The following E2F3 variants were observed in gnomAD, a reference collection of about 807,000 sequenced individuals.
E2F3 encodes transcription factor E2F3.
Under a neutral mutation model 44.4 loss-of-function variants are expected in E2F3, and 11 were observed. That is an observed-to-expected ratio of 0.25 (90% CI 0.16 to 0.41). The LOEUF is 0.41. Among genes scored for constraint, E2F3 ranks in the 10% least tolerant of loss-of-function variants. The pLI, the probability that E2F3 is intolerant of heterozygous loss-of-function variation, is 1.00. For missense variants in E2F3, 487 were observed against 583.6 expected (o/e 0.83, Z 1.70); for synonymous variants, 249 against 253.0 (o/e 0.98, Z 0.15).
At chr6:20,466,779 T>C (rs532585900) in intron 1 of E2F3, among the ~76,000 whole-genome samples, 1 of 150,436 alleles carries the variant, frequency 6.6e-6, no homozygotes, top group East Asian at 2.0e-4. Context: ...GCCTGCCGGG[T>C]TCAAGCAGTT....
At chr6:20,470,043 C>T (rs1761839374) in intron 1 of E2F3, among the ~76,000 whole-genome samples, 1 of 152,200 alleles carries the variant, frequency 6.6e-6, no homozygotes, top group African/African-American at 2.4e-5. Flanking sequence ...CCCCTCACTA[C>T]TCACAAGCAC....
intron 1 of E2F3, among the ~76,000 whole-genome samples, chr6:20,441,115 T>A (rs544101828): frequency 1.3e-5 from 2 of 152,166 alleles, no homozygotes; most frequent in Non-Finnish European, 2.9e-5. Context: ...TGTCCAGATT[T>A]TTTTCACCGT....
intron 1 of E2F3, among the ~76,000 whole-genome samples, chr6:20,405,093 C>G (rs1299573535): frequency 6.6e-6 from 1 of 152,104 alleles, no homozygotes; most frequent in Non-Finnish European, 1.5e-5. Flanking sequence ...ATCTTTCAAG[C>G]CAGGTTTATT....
chr6:20,452,952 CA>C (rs1321267164), intron 1 of E2F3, among the ~76,000 whole-genome samples: 1 of 149,576 alleles, frequency 6.7e-6, no homozygotes, highest in African/African-American at 2.5e-5. Context: ...GACTCCATCT[CA>C]AAAAAAAAGA....
In E2F3 at chr6:20,487,853, A is replaced by G. The variant is rs540719708; in HGVS notation, c.1000-260A>G. Reference sequence around the variant, plus strand: ...GATACGAAAACAGCCAGAGGCAATAATAAACAATGGGAATGGATGTGACTC... The same window carrying G: ...GATACGAAAACAGCCAGAGGCAATAGTAAACAATGGGAATGGATGTGACTC... On this transcript the variant is annotated intron_variant, in intron 5 of 6. Transcript: ENST00000346618. 2.0e-5 allele frequency among the ~76,000 whole-genome samples: 3 copies of G among 152,346 alleles called. No homozygotes were observed. In the South Asian group the frequency reaches 6.2e-4, roughly 32 times the overall value.
chr6:20,474,863 C>T (rs1040354972), intron 1 of E2F3, among the ~76,000 whole-genome samples: 1 of 152,220 alleles, frequency 6.6e-6, no homozygotes, highest in African/African-American at 2.4e-5. Flanking sequence ...AATCCAGTTC[C>T]GCCCTCCCTG....
chr6:20,449,085 G>A (rs929533607), intron 1 of E2F3, among the ~76,000 whole-genome samples: 11 of 152,078 alleles, frequency 7.2e-5, no homozygotes, highest in African/African-American at 2.4e-4. Flanking sequence ...TATTTACTAC[G>A]TACTTTCCTT....
chr6:20,456,367 C>T (rs974818611), intron 1 of E2F3, among the ~76,000 whole-genome samples: 7 of 151,292 alleles, frequency 4.6e-5, no homozygotes, highest in Admixed American at 3.9e-4. Flanking sequence ...GAGAATTATA[C>T]AATGGAAATA....
At chr6:20,417,290 G>T (rs960875858) in intron 1 of E2F3, among the ~76,000 whole-genome samples, 2 of 152,092 alleles carry the variant, frequency 1.3e-5, no homozygotes, top group Non-Finnish European at 2.9e-5. Context: ...CAGGGTGACC[G>T]TTTGATAAAT....
chr6:20,444,459 T>C (rs1157141677), intron 1 of E2F3, among the ~76,000 whole-genome samples: 1 of 152,218 alleles, frequency 6.6e-6, no homozygotes, highest in Non-Finnish European at 1.5e-5. Context: ...ATTTGTCTAC[T>C]TCTTAGTTCA....
intron 1 of E2F3, among the ~76,000 whole-genome samples, chr6:20,423,900 C>T (rs2127590806): frequency 6.6e-6 from 1 of 152,216 alleles, no homozygotes; most frequent in East Asian, 1.9e-4. Flanking sequence ...TCCCGAGTAG[C>T]TGGGATTACA....
intron 1 of E2F3, among the ~76,000 whole-genome samples, chr6:20,479,257 A>G (rs1250347362): frequency 1.3e-5 from 2 of 152,350 alleles, no homozygotes; most frequent in South Asian, 2.1e-4. Flanking sequence ...TACAGTATAT[A>G]GAGAGAGTGA....
At chr6:20,431,131 C>G (rs957516846) in intron 1 of E2F3, among the ~76,000 whole-genome samples, 1 of 152,130 alleles carries the variant, frequency 6.6e-6, no homozygotes, top group Admixed American at 6.5e-5. Context: ...TGAAAATGAG[C>G]ATGCCGGAGA....
chr6:20,441,571 G>GTGTTTT (rs140771993), intron 1 of E2F3, among the ~76,000 whole-genome samples: 4,663 of 151,848 alleles, frequency 0.031, 96 homozygotes, highest in Middle Eastern at 0.075. Context: ...TGTTTAGCTT[G>GTGTTTT]TGTTTTTGTT....
intron 1 of E2F3, among the ~76,000 whole-genome samples, chr6:20,464,935 A>G (rs1367473442): frequency 1.3e-5 from 2 of 152,304 alleles, no homozygotes; most frequent in Non-Finnish European, 2.9e-5. Flanking sequence ...ATCCATTCCT[A>G]TAAATCATTT....
chr6:20,467,388 C>G (rs1395741307), intron 1 of E2F3, among the ~76,000 whole-genome samples: 1 of 152,184 alleles, frequency 6.6e-6, no homozygotes, highest in African/African-American at 2.4e-5. Context: ...TTCCAACATT[C>G]AAAACCAAAG....
chr6:20,425,759 G>A (rs1449248610), intron 1 of E2F3, among the ~76,000 whole-genome samples: 3 of 152,168 alleles, frequency 2.0e-5, no homozygotes, highest in African/African-American at 7.2e-5. Flanking sequence ...AGGAACAGAG[G>A]TCTCAGGTGG....
intron 1 of E2F3, among the ~76,000 whole-genome samples, chr6:20,451,474 T>C (rs947269594): frequency 1.3e-5 from 2 of 152,224 alleles, no homozygotes; most frequent in African/African-American, 4.8e-5. Flanking sequence ...ACTATGGGGT[T>C]TTCTAGATAT....
At chr6:20,479,309 G>A (rs1021053000) in intron 1 of E2F3, among the ~76,000 whole-genome samples, 9 of 152,178 alleles carry the variant, frequency 5.9e-5, no homozygotes, top group African/African-American at 1.9e-4. Flanking sequence ...CAAGCACTGG[G>A]TATACAAAGA....
Sources: gnomAD v4.1 joint callset for allele counts (sites outside exome capture counted in the v4.1 genomes callset) on GRCh38, gnomAD v4.1.1 for gene constraint, MANE v1.5 for transcripts, NCBI Gene and HGNC (gene_info 2026-07-23, HGNC 2026-07-21) for gene names.